RAD51B: variants seen among roughly 807,000 people sequenced by gnomAD.
The protein encoded by RAD51B is RAD51 paralog B.
RAD51B carries 38 observed loss-of-function variants against 42.2 expected under a neutral mutation model. The ratio of observed to expected loss-of-function variants is 0.90; its 90% confidence interval spans 0.70 to 1.18. The LOEUF (loss-of-function observed/expected upper bound fraction) is 1.18, where lower values mean the gene tolerates loss of function less well. Among genes scored for constraint, RAD51B ranks in the 50% most tolerant of loss-of-function variants. The pLI is 0.00. For synonymous variants in RAD51B, 154 were observed against 145.2 expected, an observed-to-expected ratio of 1.06 and a Z score of -0.43; for missense variants, 373 against 400.7, an observed-to-expected ratio of 0.93 and a Z score of 0.59.
intron 7 of RAD51B, among the ~76,000 whole-genome samples, chr14:67,953,163 C>T (rs2074485537): frequency 6.6e-6 from 1 of 152,084 alleles, no homozygotes; most frequent in South Asian, 2.1e-4. Context: ...GTAGACAAGA[C>T]AGATCTAATC....
chr14:68,640,302 G>C (rs1191958369), intron 10 of RAD51B, among the ~76,000 whole-genome samples: 1 of 152,204 alleles, frequency 6.6e-6, no homozygotes, highest in African/African-American at 2.4e-5. Flanking sequence ...TGGAATCCAG[G>C]AATAACCATG....
intron 10 of RAD51B, 35 bp from the exon 11 acceptor site, chr14:68,477,613 T>C (rs2140254348): frequency 6.3e-7 from 1 of 1,597,808 alleles, no homozygotes; most frequent in Non-Finnish European, 8.5e-7. Context: ...AATTTTTTTT[T>C]TTCAAACTTT....
At chr14:68,177,337 A>G (rs931531437) in intron 7 of RAD51B, among the ~76,000 whole-genome samples, 2 of 152,174 alleles carry the variant, frequency 1.3e-5, no homozygotes, top group East Asian at 3.9e-4. Context: ...GCATGTGTGT[A>G]TGTTTACACA....
At chr14:67,831,787 G>A (rs1438798770) in intron 3 of RAD51B, among the ~76,000 whole-genome samples, 3 of 151,882 alleles carry the variant, frequency 2.0e-5, no homozygotes, top group African/African-American at 7.3e-5. Context: ...CAGGTGATAC[G>A]CCGGCCTCGG....
intron 7 of RAD51B, among the ~76,000 whole-genome samples, chr14:67,982,513 A>G (rs993180357): frequency 3.9e-5 from 6 of 152,152 alleles, no homozygotes; most frequent in African/African-American, 1.4e-4. Flanking sequence ...TTATCAAAGG[A>G]GAAGACCATT....
At chr14:68,060,920 T>G (rs1359968031) in intron 7 of RAD51B, among the ~76,000 whole-genome samples, 1 of 152,170 alleles carries the variant, frequency 6.6e-6, no homozygotes, top group Non-Finnish European at 1.5e-5. Context: ...TTCTCTATTC[T>G]CTTGCATTGG....
At chr14:68,361,802 AGTAGCTGG>A (rs1434360311) in intron 8 of RAD51B, among the ~76,000 whole-genome samples, 1 of 152,072 alleles carries the variant, frequency 6.6e-6, no homozygotes, top group East Asian at 1.9e-4. Flanking sequence ...CAGCCTCCCG[AGTAGCTGG>A]GATTACAGGC....
intron 10 of RAD51B, among the ~76,000 whole-genome samples, chr14:68,637,381 C>G (rs911374438): frequency 6.6e-6 from 1 of 152,158 alleles, no homozygotes; most frequent in Non-Finnish European, 1.5e-5. Flanking sequence ...ACTCGGACTT[C>G]GTAAACATTT....
intron 7 of RAD51B, among the ~76,000 whole-genome samples, chr14:67,961,613 G>A (rs1310967686): frequency 1.3e-5 from 2 of 152,172 alleles, no homozygotes; most frequent in Non-Finnish European, 2.9e-5. Flanking sequence ...AAAATGTGTA[G>A]CTATCCTGTG....
intron 7 of RAD51B, among the ~76,000 whole-genome samples, chr14:68,192,838 A>G (rs2079294234): frequency 1.3e-5 from 2 of 152,196 alleles, no homozygotes; most frequent in Non-Finnish European, 2.9e-5. Context: ...GAGTTTGAAT[A>G]GGGTCATTTT....
At chr14:68,257,976 G>A (rs564062119) in intron 7 of RAD51B, among the ~76,000 whole-genome samples, 2 of 152,274 alleles carry the variant, frequency 1.3e-5, no homozygotes, top group Admixed American at 6.5e-5. Flanking sequence ...CGCTTACTAA[G>A]TGCCACACAT....
At chr14:68,405,830 A>T (rs2084257335) in intron 8 of RAD51B, among the ~76,000 whole-genome samples, 1 of 97,732 alleles carries the variant, frequency 1.0e-5, no homozygotes, top group South Asian at 2.6e-4. Flanking sequence ...GTTTATCACC[A>T]AAAAAAAAAA....
chr14:68,275,066 A>G (rs953379112), intron 7 of RAD51B, among the ~76,000 whole-genome samples: 2 of 152,146 alleles, frequency 1.3e-5, no homozygotes, highest in Non-Finnish European at 2.9e-5. Context: ...TCAACTTTTC[A>G]CCTACTGGTT....
chr14:68,340,459 C>G (rs1164251858), intron 8 of RAD51B, among the ~76,000 whole-genome samples: 1 of 152,166 alleles, frequency 6.6e-6, no homozygotes, highest in Non-Finnish European at 1.5e-5. Context: ...GAAACTTACT[C>G]TTTTGGAGGG....
At chr14:68,164,377 G>A (rs972400202) in intron 7 of RAD51B, among the ~76,000 whole-genome samples, 3 of 152,144 alleles carry the variant, frequency 2.0e-5, no homozygotes, top group Admixed American at 2.0e-4. Context: ...CTAATAATGG[G>A]AGCTGTGGGC....
rs59108265 is a variant in RAD51B, at chr14:68,588,761, A to G, written c.1037-5724A>G. Among the ~76,000 whole-genome samples the G allele has an allele frequency of 9.0e-3, 1,363 of 152,136 alleles. 19 individuals carry two copies. The highest frequency in any genetic ancestry group is 0.031 in the African/African-American group (1,279 of 41,494). On this transcript the variant is annotated intron_variant, in intron 10 of 10. Coordinates refer to the RAD51B transcript ENST00000487270. ...AGAGTAGGATTCTCTTGTCATGGGGATTGGAGTTTTAACCCACTTTTCTTT... is the reference window on the plus strand; with the variant it reads ...AGAGTAGGATTCTCTTGTCATGGGGGTTGGAGTTTTAACCCACTTTTCTTT...
chr14:67,856,324 G>A (rs1300337528), intron 4 of RAD51B, among the ~76,000 whole-genome samples: 2 of 151,826 alleles, frequency 1.3e-5, no homozygotes, highest in East Asian at 1.9e-4. Context: ...CTTTCACAAG[G>A]CAAAATGCAA....
chr14:68,252,738 A>G (rs1426202287), intron 7 of RAD51B, among the ~76,000 whole-genome samples: 4 of 152,132 alleles, frequency 2.6e-5, no homozygotes, highest in Admixed American at 2.0e-4. Flanking sequence ...TCACTATTTC[A>G]AGCAATGTTT....
chr14:68,005,045 G>GTTTT lies in RAD51B; in HGVS notation c.756+117865_756+117868dup, dbSNP rs753867497. Among the ~76,000 whole-genome samples, 130 of 79,502 alleles carry GTTTT rather than the reference G, an allele frequency of 1.6e-3. 7 individuals carry two copies. The highest frequency in any genetic ancestry group is 1.9e-3 in the African/African-American group (35 of 18,856). 52.2% of individuals were successfully genotyped at this position (79,502 alleles called of 152,430 possible). A position where few individuals can be genotyped will look rare whatever the true frequency, so the allele number is the denominator to read the frequency against. On this transcript the variant is annotated intron_variant, in intron 7 of 10. Coordinates refer to ENST00000471583, the MANE Select transcript of RAD51B (RefSeq NM_133510.4). ...CTACCATTCTACTGTGTGTGTGTGT[G>GTTTT]TTTTTTTTTTTTTTTTTTTTTTTTT...
Sources: allele counts gnomAD v4.1 joint callset (sites outside exome capture counted in the v4.1 genomes callset), GRCh38; gene constraint gnomAD v4.1.1; transcripts MANE v1.5; gene names NCBI Gene and HGNC (gene_info 2026-07-23, HGNC 2026-07-21).